Variants in FYN observed in about 807,000 individuals in gnomAD.
The protein encoded by FYN is FYN proto-oncogene, Src family tyrosine kinase.
In FYN, 10 loss-of-function variants were observed where a neutral mutation model predicts 70.2. The ratio of observed to expected loss-of-function variants is 0.14; its 90% CI spans 0.09 to 0.24. FYN has a LOEUF of 0.24. Ranked by LOEUF, FYN falls within the 10% of genes least tolerant of loss-of-function variation. FYN has a pLI of 1.00. For missense variants in FYN, 319 were observed against 673.1 expected, an observed-to-expected ratio of 0.47 and a Z score of 5.82; for synonymous variants, 236 against 248.6, an observed-to-expected ratio of 0.95 and a Z score of 0.48.
intron 2 of FYN, among the ~76,000 whole-genome samples, chr6:111,815,712 C>CTTTTTTTTTTT (rs11320954): frequency 7.1e-6 from 1 of 140,486 alleles, no homozygotes; most frequent in African/African-American, 2.7e-5. Context: ...CTGAGTACTT[C>CTTTTTTTTTTT]TTTTTTTTTT....
intron 13 of FYN, among the ~76,000 whole-genome samples, chr6:111,670,825 G>C (rs192570352): frequency 1.7e-4 from 26 of 152,234 alleles, no homozygotes; most frequent in Admixed American, 8.5e-4. Context: ...AGAAGGATTT[G>C]AGAAAGGTAT....
At chr6:111,726,591 C>G (rs1801203268) in intron 3 of FYN, among the ~76,000 whole-genome samples, 1 of 152,168 alleles carries the variant, frequency 6.6e-6, no homozygotes, top group Non-Finnish European at 1.5e-5. Context: ...GAGCTATTTC[C>G]TGACCATGGA....
chr6:111,748,760 T>C (rs1802350975), intron 3 of FYN, among the ~76,000 whole-genome samples: 1 of 152,248 alleles, frequency 6.6e-6, no homozygotes, highest in Admixed American at 6.5e-5. Context: ...GTTGAAATGA[T>C]AATATTTTAC....
chr6:111,701,675 T>C (rs905249424), intron 8 of FYN, among the ~76,000 whole-genome samples: 1 of 152,212 alleles, frequency 6.6e-6, no homozygotes, highest in Non-Finnish European at 1.5e-5. Flanking sequence ...ATCCAAACCC[T>C]GGGGATCCTG....
chr6:111,845,471 C>G (rs1187137024), intron 2 of FYN, among the ~76,000 whole-genome samples: 1 of 152,202 alleles, frequency 6.6e-6, no homozygotes, highest in Non-Finnish European at 1.5e-5. Context: ...AGATCACAGG[C>G]CATCCTGCAG....
At chr6:111,805,486 T>C (rs989258157) in intron 2 of FYN, among the ~76,000 whole-genome samples, 1 of 152,220 alleles carries the variant, frequency 6.6e-6, no homozygotes, top group Non-Finnish European at 1.5e-5. Context: ...CTGCTGTTGT[T>C]GGTCTTAGGT....
intron 2 of FYN, among the ~76,000 whole-genome samples, chr6:111,842,721 T>C (rs1241140476): frequency 6.6e-6 from 1 of 152,238 alleles, no homozygotes; most frequent in East Asian, 1.9e-4. Context: ...GCTTTAAAGC[T>C]GGATTCCTGA....
At chr6:111,830,292 C>G (rs1772974937) in intron 2 of FYN, among the ~76,000 whole-genome samples, 1 of 152,072 alleles carries the variant, frequency 6.6e-6, no homozygotes, top group Non-Finnish European at 1.5e-5. Flanking sequence ...TGGTTTGAGA[C>G]AGATATGCAA....
At chr6:111,844,552 T>C (rs1583488837) in intron 2 of FYN, among the ~76,000 whole-genome samples, 1 of 152,222 alleles carries the variant, frequency 6.6e-6, no homozygotes, top group East Asian at 1.9e-4. Flanking sequence ...AGGCAATGAT[T>C]GTTTTTCAGG....
chr6:111,700,650 CTAA>C (rs1439668140), intron 8 of FYN, among the ~76,000 whole-genome samples: 2 of 152,188 alleles, frequency 1.3e-5, no homozygotes, highest in African/African-American at 2.4e-5. Flanking sequence ...GCTCAACGTG[CTAA>C]TAACATGTTT....
chr6:111,800,587 C>A (rs1771954224), intron 2 of FYN, among the ~76,000 whole-genome samples: 2 of 152,192 alleles, frequency 1.3e-5, no homozygotes, highest in Non-Finnish European at 2.9e-5. Context: ...CTGTCACAGG[C>A]TCATCCCATT....
chr6:111,820,821 G>A (rs1218304503), intron 2 of FYN, among the ~76,000 whole-genome samples: 2 of 152,146 alleles, frequency 1.3e-5, no homozygotes, highest in Non-Finnish European at 2.9e-5. Context: ...GTAGCTGGTA[G>A]ATCATAAAAC....
chr6:111,735,621 C>T (rs550388657), intron 3 of FYN, among the ~76,000 whole-genome samples: 3 of 152,220 alleles, frequency 2.0e-5, no homozygotes, highest in East Asian at 1.9e-4. Context: ...TCTTGATAGA[C>T]ACATACTGAA....
chr6:111,729,789 T>C (rs1801364068), intron 3 of FYN, among the ~76,000 whole-genome samples: 2 of 152,312 alleles, frequency 1.3e-5, no homozygotes, highest in East Asian at 3.9e-4. Context: ...GAAAACTCTT[T>C]GGAAGGAAAC....
chr6:111,758,299 C>G (rs769932036), intron 3 of FYN, among the ~76,000 whole-genome samples: 1 of 152,134 alleles, frequency 6.6e-6, no homozygotes, highest in Non-Finnish European at 1.5e-5. Context: ...CAATTTGAAA[C>G]CATGTTTTAA....
intron 2 of FYN, among the ~76,000 whole-genome samples, chr6:111,787,073 G>C (rs1364257898): frequency 6.6e-6 from 1 of 152,166 alleles, no homozygotes; most frequent in Non-Finnish European, 1.5e-5. Context: ...AGTTTAATTA[G>C]ATCCCATTTG....
chr6:111,832,390 C>T (rs1773043072), intron 2 of FYN, among the ~76,000 whole-genome samples: 1 of 152,146 alleles, frequency 6.6e-6, no homozygotes, highest in South Asian at 2.1e-4. Flanking sequence ...ACCTTCTATC[C>T]TGTGACTTTA....
intron 2 of FYN, among the ~76,000 whole-genome samples, chr6:111,819,668 C>T (rs1772596193): frequency 6.6e-6 from 1 of 151,928 alleles, no homozygotes; most frequent in Non-Finnish European, 1.5e-5. Flanking sequence ...TTCTACTTTC[C>T]TGTTTCTTTA....
At chr6:111,702,592 A>T (rs1417180781) in intron 8 of FYN, 1 of 262,882 alleles carries the variant, frequency 3.8e-6, no homozygotes, top group African/African-American at 2.2e-5. Context: ...GGGAAAAGAC[A>T]ACTTGAAGAT....
Sources: gnomAD v4.1 joint callset for allele counts (sites outside exome capture counted in the v4.1 genomes callset) on GRCh38, gnomAD v4.1.1 for gene constraint, MANE v1.5 for transcripts, NCBI Gene and HGNC (gene_info 2026-07-23, HGNC 2026-07-21) for gene names.